Variants in SPOCD1 observed in about 807,000 individuals in gnomAD.
The protein encoded by SPOCD1 is SPOC domain containing 1, also known as SPOC domain-containing protein 1.
SPOCD1 carries 64 observed loss-of-function variants against 92.2 expected under a neutral mutation model. That is an observed-to-expected ratio of 0.69 (90% CI 0.57 to 0.86). The LOEUF is 0.86. Ranked by LOEUF, SPOCD1 falls within the 40% of genes least tolerant of loss-of-function variation. SPOCD1 has a pLI of 0.00. For synonymous variants in SPOCD1, 578 were observed against 619.3 expected (o/e 0.93, Z 0.99); for missense variants, 1,360 against 1,543.1 (o/e 0.88, Z 1.99).
In SPOCD1 at chr1:31,815,036, G is replaced by A. The variant is rs1209824612; in HGVS notation, c.298C>T (p.Leu100Phe). 6.2e-7 allele frequency: 1 copy of A among 1,613,824 alleles called. No homozygotes were observed. The highest frequency in any genetic ancestry group is 1.1e-5 in the South Asian group (1 of 91,086). Residue 100 changes from leucine to phenylalanine, a missense_variant, in exon 2 of 16, where the codon CTC becomes TTC. By Grantham distance (22) the Leu-to-Phe change is conservative. Around this residue, in one of 3 missense-constraint regions of SPOCD1, gnomAD observed 140 missense variants for 183.8 expected, o/e 0.76. Transcript: ENST00000360482. ...GGCACCGAGGGCAGCTGCATGTGGA[G>A]CCCAGGAGCCAGCATCGAGCCCCGG... ...QSRGSMLAPG[L>F]HMQLPSVPTQ...
In SPOCD1 at chr1:31,814,637, G is replaced by A. The variant is rs754308003; in HGVS notation, c.697C>T (p.Arg233Cys). 2.1e-5 allele frequency: 32 copies of A among 1,535,426 alleles called. No individual in the cohort carries two copies. Among genetic ancestry groups the A allele is most frequent in the Admixed American group, 8.2e-5 (4 of 48,520 alleles). The change falls in exon 2 of 16, where the codon CGT becomes TGT. Residue 233 changes from arginine to cysteine, a missense_variant. Physicochemically the swap from Arg to Cys is radical, Grantham distance 180. Transcript: ENST00000360482. The surrounding 1 kb of genome is among the most constrained non-coding windows in gnomAD (Gnocchi z 4.2). ...CCCACAGACAGGAGGTTGTCCCCAC[G>A]AGGGCTCTGATCAAGCCACAGGAAG... ...GDFLWLDQSP[R>C]GDNLLSVGDP...
intron 1 of SPOCD1, chr1:31,815,706 G>T (rs1201409034): frequency 5.8e-6 from 1 of 171,318 alleles, no homozygotes; most frequent in East Asian, 1.6e-4. Flanking sequence ...GCAGCCACAG[G>T]TGAGGACACT....
intron 6 of SPOCD1, 106 bp downstream of exon 6, chr1:31,799,703 G>T: frequency 7.1e-7 from 1 of 1,400,870 alleles, no homozygotes; most frequent in Non-Finnish European, 1.0e-6. Flanking sequence ...TGGGATGTGG[G>T]GAGAGAAGAA....
chr1:31,814,972 A>C lies in SPOCD1; in HGVS notation c.362T>G (p.Val121Gly), dbSNP rs1381172690. ...GTCATCTAAGATGTCACACAGAGAA[A>C]CCTGGAGCCTCTTGGAGGTCAGAGC... ...GRALTSKRLQ[V>G]SLCDILDDSC... is the part of the protein sequence containing the mutation. Residue 121 changes from valine to glycine, a missense_variant, in exon 2 of 16, where the codon GTT becomes GGT. Val to Gly is a moderately radical substitution (Grantham distance 109). Around this residue, in one of 3 missense-constraint regions of SPOCD1, gnomAD observed 140 missense variants for 183.8 expected, o/e 0.76. Transcript: ENST00000360482. This position sits in a 1 kb window ranked among gnomAD's most constrained non-coding sequence, Gnocchi z 4.2. The C allele has an allele frequency of 6.2e-7, 1 of 1,613,556 alleles. No individual in the cohort carries two copies. Among genetic ancestry groups the C allele is most frequent in the Non-Finnish European group, 8.5e-7 (1 of 1,179,966 alleles).
intron 2 of SPOCD1, among the ~76,000 whole-genome samples, chr1:31,811,358 C>A (rs1298472739): frequency 6.6e-6 from 1 of 151,840 alleles, no homozygotes; most frequent in Admixed American, 6.6e-5. Context: ...GTAGTCCCAG[C>A]TACTCAGGAG....
chr1:31,815,117 C>A lies in SPOCD1; in HGVS notation c.217G>T (p.Ala73Ser). The change falls in exon 2 of 16, where the codon GCA (alanine) becomes TCA (serine). Residue 73 changes from alanine (A) to serine (S), a missense_variant. Physicochemically the swap from Ala to Ser is moderately conservative, Grantham distance 99 (BLOSUM62 1). This residue lies in a region of SPOCD1 where 140 missense variants were observed against 183.8 expected (regional missense o/e 0.76). Transcript: ENST00000360482. ...CCTGGCCGGACCTCAGCAGCACCTG[C>A]AGCCCGGGAGCTGCCACCTCGAAGG... ...EALRGGSSRA[A>S]GAAEVRPGVL... 6.2e-7 allele frequency: 1 copy of A among 1,610,806 alleles called. No individual in the cohort carries two copies. The highest frequency in any genetic ancestry group is 1.1e-5 in the South Asian group (1 of 91,034).
intron 2 of SPOCD1, among the ~76,000 whole-genome samples, chr1:31,805,873 C>T (rs1003872188): frequency 6.6e-6 from 1 of 151,966 alleles, no homozygotes. Context: ...TTATGAGACC[C>T]ATTTCTAAAA....
At chr1:31,815,925 A>T (rs1379714061) in intron 1 of SPOCD1, 36 bp downstream of exon 1, 2 of 125,986 alleles carry the variant, frequency 1.6e-5, no homozygotes, top group African/African-American at 6.2e-5. Context: ...CCCAGCATCC[A>T]AGAAATCCGG....
chr1:31,815,424 G>A, intron 1 of SPOCD1, 52 bp from the exon 2 acceptor site: 1 of 1,340,562 alleles, frequency 7.5e-7, no homozygotes, highest in Non-Finnish European at 1.0e-6. Flanking sequence ...CGACCTGTCA[G>A]CCCGTTCAGT....
intron 2 of SPOCD1, among the ~76,000 whole-genome samples, chr1:31,811,630 C>T (rs1461317035): frequency 1.3e-5 from 2 of 152,196 alleles, no homozygotes; most frequent in Non-Finnish European, 2.9e-5. Context: ...CAGGCTGTCT[C>T]CAGGGGAAGG....
chr1:31,792,385 C>G lies in SPOCD1; in HGVS notation c.2792G>C (p.Arg931Thr). ...PAKAKDVCVV[R>T]LCPHGARDTQ... ...GTCCCGGGCCCCATGTGGGCACAGT[C>G]TGACCACGCAGACGTCCTGCGGTGG... The change falls in exon 15 of 16, where the codon AGA becomes ACA. Residue 931 changes from arginine to threonine, a missense_variant. Around this residue, in one of 3 missense-constraint regions of SPOCD1, gnomAD observed 614 missense variants for 757.8 expected, o/e 0.81. Transcript: ENST00000360482. 1 of 1,613,668 alleles carries G rather than the reference C, an allele frequency of 6.2e-7. No individual in the cohort carries two copies. The highest frequency in any genetic ancestry group is 1.3e-5 in the African/African-American group (1 of 75,062).
rs2149092375 is a variant in SPOCD1, at chr1:31,790,544, G to A, written c.*59C>T. 11 of 1,469,314 alleles carry A rather than the reference G, an allele frequency of 7.5e-6. No individual in the cohort carries two copies. The highest frequency in any genetic ancestry group is 9.2e-6 in the Non-Finnish European group (10 of 1,082,322). The allele number at this position is 1,469,314 out of a possible 1,614,324, so 91.0% of individuals were successfully genotyped here. On this transcript the variant is annotated 3_prime_UTR_variant, in exon 16 of 16. Coordinates refer to ENST00000360482, the MANE Select transcript of SPOCD1 (RefSeq NM_144569.7). ...TCTCCTTGCAGTCCCACCTCTCTCTGGAACAGGCTTCAACACTAGTGAGGG... is the reference window on the plus strand; with the variant it reads ...TCTCCTTGCAGTCCCACCTCTCTCTAGAACAGGCTTCAACACTAGTGAGGG...
In SPOCD1 at chr1:31,811,443, G is replaced by A. The variant is rs1649191276; in HGVS notation, c.1383+2508C>T. Among the ~76,000 whole-genome samples the A allele has an allele frequency of 4.0e-5, 6 of 151,822 alleles. No individual in the cohort carries two copies. The South Asian group carries it at 1.2e-3, about 32-fold the overall frequency. On this transcript the variant is annotated intron_variant, in intron 2 of 15. Transcript: ENST00000360482. Reference sequence around the variant, plus strand: ...ACTGCACTCCAGCCTGGGTGACAGGGCGAGACTCCCATCTTAAAAAAAAAG... The same window carrying A: ...ACTGCACTCCAGCCTGGGTGACAGGACGAGACTCCCATCTTAAAAAAAAAG...
Position 31,798,296 on chromosome 1 carries a change from C to T in SPOCD1, c.2056G>A (p.Asp686Asn). 6.2e-7 allele frequency: 1 copy of T among 1,613,900 alleles called. No homozygotes were observed. The highest frequency in any genetic ancestry group is 8.5e-7 in the Non-Finnish European group (1 of 1,179,982). Reference protein sequence around the residue: ...LDLFLKVVHGDVTPYDLVRMS... With the variant: ...LDLFLKVVHGNVTPYDLVRMS... ...CGCACCAGGTCGTAGGGGGTGACAT[C>T]TCCATGAACCACTTTGAGAAACAAG... Residue 686 changes from aspartate (D) to asparagine (N), a missense_variant, in exon 9 of 16, where the codon GAT becomes AAT. By Grantham distance (23) the Asp-to-Asn change is conservative. Around this residue, in one of 3 missense-constraint regions of SPOCD1, gnomAD observed 614 missense variants for 757.8 expected, o/e 0.81. Transcript: ENST00000360482. This position sits in a 1 kb window ranked among gnomAD's most constrained non-coding sequence, Gnocchi z 4.1.
In SPOCD1 at chr1:31,814,109, AGG is replaced by A; in HGVS notation, c.1223_1224del (p.Ala408ValfsTer15). 2 of 1,610,236 alleles carry A rather than the reference AGG, an allele frequency of 1.2e-6. No individual in the cohort carries two copies. Among genetic ancestry groups the A allele is most frequent in the Non-Finnish European group, 8.5e-7 (1 of 1,177,362 alleles). On this transcript the variant is annotated frameshift_variant, in exon 2 of 16. Coordinates refer to ENST00000360482, the MANE Select transcript of SPOCD1 (RefSeq NM_144569.7). LOFTEE classifies it high-confidence loss of function. This position sits in a 1 kb window ranked among gnomAD's most constrained non-coding sequence, Gnocchi z 4.2. ...CTCTGCTCCATGAATGGGCCTGAGC[AGG>A]CCCTGCTGGCTTCAGTATCCAGGGA... ...SSSLDTEASRACSGPFMEQRR... is the reference protein window; with the variant it reads ...SSSLDTEASRXCSGPFMEQRR...
At chr1:31,806,969 T>C (rs1170850799) in intron 2 of SPOCD1, among the ~76,000 whole-genome samples, 4 of 152,198 alleles carry the variant, frequency 2.6e-5, no homozygotes, top group Non-Finnish European at 5.9e-5. Context: ...AAGTGTTCAA[T>C]AGACACAAGC....
In SPOCD1 at chr1:31,792,780, A is replaced by G; in HGVS notation, c.2686-13T>C. ...CGGTGGGCAGAGCCTAGGGGCAGGA[A>G]GGATGGCCAGTCAGCTCCCCAGCTT... On this transcript the variant is annotated splice_polypyrimidine_tract_variant and intron_variant, in intron 13 of 15. Transcript: ENST00000360482. The G allele has an allele frequency of 6.3e-7, 1 of 1,586,868 alleles. No individual in the cohort carries two copies. The highest frequency in any genetic ancestry group is 8.6e-7 in the Non-Finnish European group (1 of 1,165,390).
At chr1:31,805,409 T>C (rs1303099810) in intron 2 of SPOCD1, among the ~76,000 whole-genome samples, 1 of 152,098 alleles carries the variant, frequency 6.6e-6, no homozygotes, top group African/African-American at 2.4e-5. Flanking sequence ...AGGGAGAAAG[T>C]GCTGAAATGC....
intron 2 of SPOCD1, among the ~76,000 whole-genome samples, chr1:31,809,240 G>GA (rs1304091491): frequency 1.3e-5 from 2 of 152,118 alleles, no homozygotes; most frequent in Non-Finnish European, 2.9e-5. Flanking sequence ...GAGGGCAGTG[G>GA]AAATTAAAAC....
Sources: gnomAD v4.1 joint callset for allele counts (sites outside exome capture counted in the v4.1 genomes callset) on GRCh38, gnomAD v4.1.1 for gene constraint, gnomAD v4.1.1 regional missense constraint, Gnocchi (gnomAD v3.1) non-coding constraint, MANE v1.5 for transcripts, NCBI Gene and HGNC (gene_info 2026-07-23, HGNC 2026-07-21) for gene names.